Variants in PLAGL1 observed in about 807,000 individuals in gnomAD.
PLAGL1 encodes zinc finger protein PLAGL1.
A neutral mutation model predicts 4.6 loss-of-function variants in PLAGL1; 1 was observed. That is an observed-to-expected ratio of 0.22 (90% CI 0.08 to 1.03). The LOEUF is 1.03. Ranked by LOEUF, PLAGL1 falls within the 50% of genes least tolerant of loss-of-function variation. The pLI is 0.58. For synonymous variants in PLAGL1, 240 were observed against 237.8 expected, an observed-to-expected ratio of 1.01 and a Z score of -0.08; for missense variants, 464 against 570.4, an observed-to-expected ratio of 0.81 and a Z score of 1.90.
At chr6:144,001,963 C>T (rs1458324791) in intron 1 of PLAGL1, among the ~76,000 whole-genome samples, 1 of 151,876 alleles carries the variant, frequency 6.6e-6, no homozygotes, top group Non-Finnish European at 1.5e-5. Context: ...AAACTAAACA[C>T]CATGTGGTAT....
chr6:144,017,899 C>T (rs1347931128), intron 1 of PLAGL1, among the ~76,000 whole-genome samples: 1 of 152,182 alleles, frequency 6.6e-6, no homozygotes, highest in Non-Finnish European at 1.5e-5. Flanking sequence ...TCTCCAGTCT[C>T]CTTCACTGGA....
Position 144,036,749 on chromosome 6 carries a change from T to C in PLAGL1, c.-151+27719A>G. The stretch of plus-strand genomic sequence containing the variant: ...ACTACAGAACAGAAATTGTGCAACT[T>C]CCAGAAAACTGCTCTAAGACAAGCA... On this transcript the variant is annotated intron_variant, in intron 1 of 3. Transcript: ENST00000437412. The surrounding 1 kb of genome is among the most constrained non-coding windows in gnomAD (Gnocchi z 5.1). 3.1e-6 allele frequency: 1 copy of C among 325,826 alleles called. No homozygotes were observed. The highest frequency in any genetic ancestry group is 5.9e-6 in the Non-Finnish European group (1 of 170,498). The allele number at this position is 325,826 out of a possible 1,614,324, so 20.2% of individuals were successfully genotyped here.
intron 1 of PLAGL1, among the ~76,000 whole-genome samples, chr6:144,038,262 G>A (rs1797420648): frequency 6.6e-6 from 1 of 152,144 alleles, no homozygotes; most frequent in South Asian, 2.1e-4. Context: ...GAACTTGTGA[G>A]GCTTCTTCAC....
In PLAGL1 at chr6:144,015,061, T is replaced by A. The variant is rs1795478955; in HGVS notation, c.-150-46083A>T. On this transcript the variant is annotated intron_variant, in intron 1 of 3. Transcript: ENST00000437412. The surrounding 1 kb of genome is among the most constrained non-coding windows in gnomAD (Gnocchi z 4.3). ...TAAAAAGCAGGAACTATAAAACTTC[T>A]GGAATCACCTTGTTCAATACAGTAC... Among the ~76,000 whole-genome samples the A allele has an allele frequency of 6.6e-6, 1 of 152,240 alleles. No homozygotes were observed. The highest frequency in any genetic ancestry group is 6.5e-5 in the Admixed American group (1 of 15,284).
chr6:144,030,254 CAAAAAAAAAAAAAAA>C (rs66563676), intron 1 of PLAGL1, among the ~76,000 whole-genome samples: 2 of 44,560 alleles, frequency 4.5e-5, no homozygotes, highest in Admixed American at 4.2e-4. Flanking sequence ...GACTCCGTCT[CAAAAAAAAAAAAAAA>C]AAAAAAAAAA....
At chr6:144,026,015 A>G (rs1796316783) in intron 1 of PLAGL1, among the ~76,000 whole-genome samples, 1 of 152,222 alleles carries the variant, frequency 6.6e-6, no homozygotes, top group Non-Finnish European at 1.5e-5. Flanking sequence ...CTAATAATGG[A>G]CAAAATCTAC....
At chr6:144,038,201 T>C (rs1797412759) in intron 1 of PLAGL1, among the ~76,000 whole-genome samples, 1 of 152,226 alleles carries the variant, frequency 6.6e-6, no homozygotes, top group South Asian at 2.1e-4. Context: ...AAGCTACATG[T>C]GTTAAGACGG....
At chr6:144,058,338 G>GT (rs1345217612) in intron 1 of PLAGL1, among the ~76,000 whole-genome samples, 1 of 152,100 alleles carries the variant, frequency 6.6e-6, no homozygotes, top group African/African-American at 2.4e-5. Context: ...TGAGGGATCC[G>GT]TCCCCATGAT....
At chr6:143,943,829 G>T (rs575739236) in intron 7 of PLAGL1, among the ~76,000 whole-genome samples, 1 of 152,272 alleles carries the variant, frequency 6.6e-6, no homozygotes, top group African/African-American at 2.4e-5. Context: ...GCAGAAATTA[G>T]TTATGGAAAG....
intron 6 of PLAGL1, among the ~76,000 whole-genome samples, chr6:143,956,417 A>C (rs947729086): frequency 6.6e-6 from 1 of 152,220 alleles, no homozygotes; most frequent in African/African-American, 2.4e-5. Context: ...CTCTTGGATA[A>C]GATGGTCTAC....
rs968112124 is a variant in PLAGL1 at position 143,953,612 on chromosome 6, GTC to G, written c.-324-5154_-324-5153del. On this transcript the variant is annotated intron_variant, in intron 6 of 7. Coordinates refer to ENST00000674357, the MANE Select transcript of PLAGL1 (RefSeq NM_001317162.2). This position sits in a 1 kb window ranked among gnomAD's most constrained non-coding sequence, Gnocchi z 5.3. ...AACTGAATAAAAGCATGTAGCTCCA[GTC>G]TCTCTGAAAATTCTACTAAAACAGT... Among the ~76,000 whole-genome samples, 4 of 152,192 alleles carry G rather than the reference GTC, an allele frequency of 2.6e-5. No individual in the cohort carries two copies. The highest frequency in any genetic ancestry group is 5.9e-5 in the Non-Finnish European group (4 of 68,026).
At position 144,027,293 on chromosome 6, in the gene PLAGL1, A is replaced by AAGAAAGAAAGTT. The variant is rs2128704439; in HGVS notation, c.-151+37174_-151+37175insAACTTTCTTTCT. Among the ~76,000 whole-genome samples, 1 of 121,638 alleles carries AAGAAAGAAAGTT rather than the reference A, an allele frequency of 8.2e-6. No individual in the cohort carries two copies. The highest frequency in any genetic ancestry group is 2.1e-4 in the East Asian group (1 of 4,840). The allele number at this position is 121,638 out of a possible 152,430, so 79.8% of individuals were successfully genotyped here. A position where few individuals can be genotyped will look rare whatever the true frequency, so the allele number is the denominator to read the frequency against. On this transcript the variant is annotated intron_variant, in intron 1 of 3. Transcript: ENST00000437412. This position sits in a 1 kb window ranked among gnomAD's most constrained non-coding sequence, Gnocchi z 5.8. ...AAAGAAAGAAAGAAAGAAAGAAAGA[A>AAGAAAGAAAGTT]AGTTATTTGATCTGAAGTACAATGT...
In PLAGL1 at chr6:143,945,658, G is replaced by A. The variant is rs1306449691; in HGVS notation, c.152+2327C>T. On this transcript the variant is annotated intron_variant, in intron 7 of 7. Coordinates refer to ENST00000674357, the MANE Select transcript of PLAGL1 (RefSeq NM_001317162.2). The surrounding 1 kb of genome is among the most constrained non-coding windows in gnomAD (Gnocchi z 4.2). ...GCCCAGCTAATTTTTTGTATTTTTA[G>A]TAGAGACGGGGTTTCACCATGGTGG... Among the ~76,000 whole-genome samples the A allele has an allele frequency of 6.6e-6, 1 of 152,144 alleles. No homozygotes were observed. The highest frequency in any genetic ancestry group is 1.5e-5 in the Non-Finnish European group (1 of 68,038).
chr6:144,050,530 T>C lies in PLAGL1; in HGVS notation c.-151+13938A>G, dbSNP rs887396096. ...TATGTTTATGTCTCTATTATTACAT[T>C]ATAGGCTTATTCTAGGGAATAAATA... is the stretch of plus-strand genomic sequence containing the variant. On this transcript the variant is annotated intron_variant, in intron 1 of 3. Coordinates refer to the PLAGL1 transcript ENST00000437412. This position sits in a 1 kb window ranked among gnomAD's most constrained non-coding sequence, Gnocchi z 4.3. Among the ~76,000 whole-genome samples, 7 of 152,176 alleles carry C rather than the reference T, an allele frequency of 4.6e-5. No homozygotes were observed. Among genetic ancestry groups the C allele is most frequent in the Non-Finnish European group, 1.0e-4 (7 of 68,022 alleles).
chr6:143,941,670 G>T lies in PLAGL1; in HGVS notation c.1146C>A (p.Pro382=), dbSNP rs150039945. ...LTIPASLDLS[P]LLGFWQLPPP... is the part of the protein sequence containing the mutation. The stretch of plus-strand genomic sequence containing the variant: ...GGGGCAGCTGCCAGAAGCCCAACAG[G>T]GGGGACAGGTCCAGAGAGGCAGGTA... The change falls in exon 8 of 8, where the codon CCC becomes CCA. Residue 382 remains proline, a synonymous_variant. Coordinates refer to ENST00000674357, the MANE Select transcript of PLAGL1 (RefSeq NM_001317162.2). This position sits in a 1 kb window ranked among gnomAD's most constrained non-coding sequence, Gnocchi z 6.0. The T allele has an allele frequency of 2.0e-5, 33 of 1,614,106 alleles. No individual in the cohort carries two copies. Among genetic ancestry groups the T allele is most frequent in the African/African-American group, 5.3e-5 (4 of 74,938 alleles).
rs761906707 is a variant in PLAGL1 at position 143,989,449 on chromosome 6, T to C, written c.-583-4275A>G. On this transcript the variant is annotated intron_variant, in intron 1 of 7. Coordinates refer to ENST00000674357, the MANE Select transcript of PLAGL1 (RefSeq NM_001317162.2). The surrounding 1 kb of genome is among the most constrained non-coding windows in gnomAD (Gnocchi z 4.8). ...TCATCCAATCCACTGAGGGCCCGAA[T>C]AGAACAAAAAGGTGGAAGGAGGAGG... is the stretch of plus-strand genomic sequence containing the variant. Among the ~76,000 whole-genome samples the C allele has an allele frequency of 1.3e-5, 2 of 152,166 alleles. No homozygotes were observed. The highest frequency in any genetic ancestry group is 4.8e-5 in the African/African-American group (2 of 41,454).
chr6:143,976,242 T>C (rs1174448761), intron 2 of PLAGL1, among the ~76,000 whole-genome samples: 9 of 150,980 alleles, frequency 6.0e-5, no homozygotes, highest in Non-Finnish European at 1.3e-4. Flanking sequence ...ACAGACGTAC[T>C]TCTGGAATAT....
rs1475925359 is a variant in PLAGL1 at position 144,036,530 on chromosome 6, G to A, written c.-151+27938C>T. ...TTTGTGACAGGACAATTACTGCCGC[G>A]TGACAGGACTCCAGTCCTGGGGCTG... On this transcript the variant is annotated intron_variant, in intron 1 of 3. Transcript: ENST00000437412. This position sits in a 1 kb window ranked among gnomAD's most constrained non-coding sequence, Gnocchi z 5.1. 4.7e-5 allele frequency: 8 copies of A among 170,122 alleles called. No homozygotes were observed. The highest frequency in any genetic ancestry group is 3.8e-4 in the South Asian group (3 of 7,808). The allele number at this position is 170,122 out of a possible 1,614,324, so 10.5% of individuals were successfully genotyped here.
At chr6:144,032,817 A>G (rs1222697223) in intron 1 of PLAGL1, among the ~76,000 whole-genome samples, 1 of 151,786 alleles carries the variant, frequency 6.6e-6, no homozygotes, top group Non-Finnish European at 1.5e-5. Flanking sequence ...TGCTGGGATT[A>G]CAGGCATGAA....
Sources: gnomAD v4.1 joint callset for allele counts (sites outside exome capture counted in the v4.1 genomes callset) on GRCh38, gnomAD v4.1.1 for gene constraint, Gnocchi (gnomAD v3.1) non-coding constraint, MANE v1.5 for transcripts, NCBI Gene and HGNC (gene_info 2026-07-23, HGNC 2026-07-21) for gene names.